Variants in KCNIP1 observed in about 807,000 individuals in gnomAD.
KCNIP1 encodes the protein A-type potassium channel modulatory protein KCNIP1.
KCNIP1 carries 18 observed loss-of-function variants against 33.0 expected under a neutral mutation model. The observed-to-expected ratio is 0.55, with a 90% CI of 0.38 to 0.81. The LOEUF is 0.81. KCNIP1 is among the 30% of genes least tolerant of loss of function. KCNIP1 has a pLI of 0.00. For missense variants in KCNIP1, 238 were observed against 271.6 expected, an observed-to-expected ratio of 0.88 and a Z score of 0.87; for synonymous variants, 93 against 98.3, an observed-to-expected ratio of 0.95 and a Z score of 0.32.
chr5:170,710,059 G>A (rs1164691622), intron 1 of KCNIP1, among the ~76,000 whole-genome samples: 1 of 152,126 alleles, frequency 6.6e-6, no homozygotes, highest in African/African-American at 2.4e-5. Flanking sequence ...GTAGAGACGG[G>A]ATTTCCCCAT....
intron 1 of KCNIP1, among the ~76,000 whole-genome samples, chr5:170,530,138 C>T (rs994031281): frequency 3.9e-5 from 6 of 152,152 alleles, no homozygotes; most frequent in African/African-American, 1.4e-4. Flanking sequence ...CACTCTGGCA[C>T]CTAGTACACT....
chr5:170,694,973 A>T (rs1346261413), intron 1 of KCNIP1, among the ~76,000 whole-genome samples: 1 of 152,222 alleles, frequency 6.6e-6, no homozygotes, highest in East Asian at 1.9e-4. Context: ...GACTTACAAT[A>T]GCCAAAGATA....
At chr5:170,624,872 G>A (rs72834404) in intron 1 of KCNIP1, among the ~76,000 whole-genome samples, 14,480 of 152,114 alleles carry the variant, frequency 0.095, 761 homozygotes, top group South Asian at 0.12. Flanking sequence ...GCAGAGTAGA[G>A]GCAGGGTCTT....
At chr5:170,571,543 G>A (rs989877304) in intron 1 of KCNIP1, among the ~76,000 whole-genome samples, 4 of 152,250 alleles carry the variant, frequency 2.6e-5, no homozygotes, top group Non-Finnish European at 4.4e-5. Context: ...TTATACCACC[G>A]TGGCCAGGGC....
At chr5:170,669,922 A>G (rs1401437192) in intron 1 of KCNIP1, among the ~76,000 whole-genome samples, 1 of 152,238 alleles carries the variant, frequency 6.6e-6, no homozygotes, top group Non-Finnish European at 1.5e-5. Context: ...TGTGATGAAT[A>G]CAATATTCCA....
Position 170,644,326 on chromosome 5 carries a change from G to A in KCNIP1, c.62-74432G>A, listed in dbSNP as rs183954686. On this transcript the variant is annotated intron_variant, in intron 1 of 7. Coordinates refer to ENST00000328939, the MANE Select transcript of KCNIP1 (RefSeq NM_014592.4). The stretch of plus-strand genomic sequence containing the variant: ...CATATGCCCGAGGCAGTCAGCAGCC[G>A]AGTGCGGGAGACTCTTGAGCAGAGA... Among the ~76,000 whole-genome samples the A allele has an allele frequency of 4.6e-5, 7 of 152,342 alleles. No homozygotes were observed. The East Asian group carries it at 7.7e-4, about 17-fold the overall frequency.
At position 170,448,989 on chromosome 5, in the gene KCNIP1, T is replaced by A. The variant is rs1389404753; in HGVS notation, c.88+95025T>A. 2.0e-5 allele frequency among the ~76,000 whole-genome samples: 3 copies of A among 152,200 alleles called. No homozygotes were observed. The East Asian group carries it at 5.8e-4, about 29-fold the overall frequency. On this transcript the variant is annotated intron_variant, in intron 1 of 7. Coordinates refer to the KCNIP1 transcript ENST00000377360. ...GAAGCACATGCAGCACTCTACTTCA[T>A]GCTTAATTCAAGGAAGCGAATTCTC...
chr5:170,511,863 T>C (rs1195133521), intron 1 of KCNIP1, among the ~76,000 whole-genome samples: 1 of 152,226 alleles, frequency 6.6e-6, no homozygotes, highest in Non-Finnish European at 1.5e-5. Context: ...TGGCTTTGCC[T>C]CTGGAACCTT....
chr5:170,482,840 C>T (rs374876911), intron 1 of KCNIP1, among the ~76,000 whole-genome samples: 2 of 152,274 alleles, frequency 1.3e-5, no homozygotes, highest in South Asian at 4.1e-4. Context: ...TGAAACAGCG[C>T]TGGTGATGTT....
intron 1 of KCNIP1, among the ~76,000 whole-genome samples, chr5:170,554,077 G>A (rs1261530642): frequency 6.6e-6 from 1 of 152,138 alleles, no homozygotes; most frequent in Admixed American, 6.5e-5. Flanking sequence ...ATGTGGCCCT[G>A]TATGGCCAGC....
intron 6 of KCNIP1, among the ~76,000 whole-genome samples, chr5:170,733,305 T>C (rs1764270697): frequency 6.6e-6 from 1 of 152,196 alleles, no homozygotes; most frequent in Non-Finnish European, 1.5e-5. Flanking sequence ...CTTGCTCTGG[T>C]ACAGGATGGG....
chr5:170,451,933 C>T lies in KCNIP1; in HGVS notation c.88+97969C>T, dbSNP rs536914473. The stretch of plus-strand genomic sequence containing the variant: ...GAGCATGCAGCATGGAGCAGACACT[C>T]TCTATCCCAGGAGCTGCCCTGCCCA... On this transcript the variant is annotated intron_variant, in intron 1 of 7. Coordinates refer to the KCNIP1 transcript ENST00000377360. Among the ~76,000 whole-genome samples, 129 of 152,236 alleles carry T rather than the reference C, an allele frequency of 8.5e-4. 1 individual carries two copies. The highest frequency in any genetic ancestry group is 2.7e-3 in the African/African-American group (114 of 41,542).
chr5:170,528,501 G>T (rs1044965596), intron 1 of KCNIP1, among the ~76,000 whole-genome samples: 1 of 152,216 alleles, frequency 6.6e-6, no homozygotes, highest in Non-Finnish European at 1.5e-5. Context: ...AGTGCCTGGG[G>T]CATAGCACAG....
chr5:170,712,740 T>C (rs995390609), intron 1 of KCNIP1: 1 of 952,838 alleles, frequency 1.0e-6, no homozygotes, highest in East Asian at 2.4e-5. Flanking sequence ...TCTTCGCATA[T>C]GTCAAGCTGG....
At chr5:170,710,008 C>A (rs908145408) in intron 1 of KCNIP1, among the ~76,000 whole-genome samples, 1 of 152,176 alleles carries the variant, frequency 6.6e-6, no homozygotes, top group Non-Finnish European at 1.5e-5. Context: ...GCTGGGACTA[C>A]AGGCGCGCAC....
intron 1 of KCNIP1, among the ~76,000 whole-genome samples, chr5:170,683,049 G>A (rs1386951735): frequency 6.6e-6 from 1 of 151,790 alleles, no homozygotes; most frequent in Non-Finnish European, 1.5e-5. Flanking sequence ...TGCAGTTTTT[G>A]TTTTATTACA....
chr5:170,631,205 T>A (rs936759674), intron 1 of KCNIP1, among the ~76,000 whole-genome samples: 5 of 152,144 alleles, frequency 3.3e-5, no homozygotes, highest in Non-Finnish European at 7.4e-5. Flanking sequence ...TTGTCCTAAC[T>A]GCCCAGCCCC....
At chr5:170,614,875 CT>C (rs1435770864) in intron 1 of KCNIP1, among the ~76,000 whole-genome samples, 4 of 152,224 alleles carry the variant, frequency 2.6e-5, no homozygotes, top group African/African-American at 9.6e-5. Context: ...TTTACACCCC[CT>C]CTCAGTGCGT....
chr5:170,519,763 A>G (rs1460034497), intron 1 of KCNIP1, among the ~76,000 whole-genome samples: 1 of 152,196 alleles, frequency 6.6e-6, no homozygotes, highest in Non-Finnish European at 1.5e-5. Flanking sequence ...GAGATGGGTA[A>G]TAAGAGTATG....
Sources: allele counts gnomAD v4.1 joint callset (sites outside exome capture counted in the v4.1 genomes callset), GRCh38; gene constraint gnomAD v4.1.1; transcripts MANE v1.5; gene names NCBI Gene and HGNC (gene_info 2026-07-23, HGNC 2026-07-21).